TBC1D8B: variants seen among roughly 807,000 people sequenced by gnomAD.
TBC1D8B encodes the protein TBC1 domain family member 8B.
In TBC1D8B, 75 loss-of-function variants were observed where a neutral mutation model predicts 82.9. That is an observed-to-expected ratio of 0.90 (90% CI 0.75 to 1.10). The LOEUF (loss-of-function observed/expected upper bound fraction) is 1.10, where lower values mean the gene tolerates loss of function less well. TBC1D8B is among the 50% of genes least tolerant of loss of function. The probability of loss-of-function intolerance (pLI) is 0.00; values close to 1 mark genes in which losing one functional copy is unlikely to be tolerated. For missense variants in TBC1D8B, 794 were observed against 796.9 expected (o/e 1.00, Z 0.04); for synonymous variants, 276 against 276.8 (o/e 1.00, Z 0.03).
At chrX:106,851,250 C>T (rs1478229097) in intron 12 of TBC1D8B, among the ~76,000 whole-genome samples, 1 of 111,551 alleles carries the variant, frequency 9.0e-6, no homozygotes, top group African/African-American at 3.3e-5. Context: ...ATTAGCCAGG[C>T]GTGGTGGTGA....
chrX:106,862,776 GTTTTTTTTTTTTTTT>G (rs1181091591), intron 14 of TBC1D8B, among the ~76,000 whole-genome samples: 1 of 37,298 alleles, frequency 2.7e-5, no homozygotes, highest in African/African-American at 1.2e-4. Context: ...GTTTTTTTTT[GTTTTTTTTTTTTTTT>G]TTTTTTTTTT....
intron 6 of TBC1D8B, 78 bp from the exon 7 acceptor site, chrX:106,827,092 G>GTAAGCC (rs1183798181): frequency 1.4e-5 from 15 of 1,105,536 alleles, no homozygotes; most frequent in Middle Eastern, 6.3e-4. Context: ...CCACAAAAGA[G>GTAAGCC]TAAGCCAAAC....
intron 14 of TBC1D8B, among the ~76,000 whole-genome samples, chrX:106,862,785 T>G (rs977598234): frequency 5.1e-4 from 48 of 95,011 alleles, no homozygotes; most frequent in South Asian, 1.1e-3. Flanking sequence ...TGTTTTTTTT[T>G]TTTTTTTTTT....
intron 1 of TBC1D8B, chrX:106,818,326 C>T (rs985358302): frequency 8.0e-6 from 1 of 124,785 alleles, no homozygotes; most frequent in African/African-American, 3.2e-5. Context: ...GAATTTAAAC[C>T]CAGTTAGTCT....
intron 20 of TBC1D8B, among the ~76,000 whole-genome samples, chrX:106,871,059 G>T (rs746557932): frequency 1.2e-3 from 139 of 111,366 alleles, no homozygotes; most frequent in Middle Eastern, 9.3e-3. Context: ...TAGAAAAAAA[G>T]TATGTGTAGT....
chrX:106,866,733 T>A (rs1436946293), intron 16 of TBC1D8B, 64 bp from the exon 17 acceptor site: 2 of 822,932 alleles, frequency 2.4e-6, no homozygotes, highest in African/African-American at 4.1e-5. Flanking sequence ...TTAATCTTTG[T>A]TGCTGAAATT....
chrX:106,821,809 A>T (rs1447897684), intron 3 of TBC1D8B, among the ~76,000 whole-genome samples, 168 bp from the exon 4 acceptor site: 1 of 111,325 alleles, frequency 9.0e-6, no homozygotes, highest in Non-Finnish European at 1.9e-5. Context: ...ACTTTGTAGA[A>T]TTTTTTTCCC....
rs992025250 is a variant in TBC1D8B, at chrX:106,844,524, C to T, written c.1719+3640C>T. On this transcript the variant is annotated intron_variant, in intron 10 of 20. Transcript: ENST00000357242. ...ATATATATAAACATATATATATATA[C>T]ACACACACACATATATATAAACATT... Among the ~76,000 whole-genome samples the T allele has an allele frequency of 9.7e-5, 10 of 103,590 alleles. No homozygotes were observed. The South Asian group carries it at 2.5e-3, about 26-fold the overall frequency. The allele number at this position is 103,590 out of a possible 115,157, so 90.0% of individuals were successfully genotyped here.
intron 12 of TBC1D8B, among the ~76,000 whole-genome samples, chrX:106,852,215 TTTGAGAAGTGTCTGTTCATG>T (rs1456962359): frequency 2.0e-5 from 2 of 101,947 alleles, no homozygotes; most frequent in African/African-American, 7.2e-5. Context: ...AATGTCTTCT[TTTGAGAAGTGTCTGTTCATG>T]TCCTTCGCCC....
chrX:106,866,888 T>C lies in TBC1D8B; in HGVS notation c.2728+26T>C, dbSNP rs2275918. 2.4e-4 allele frequency: 250 copies of C among 1,055,487 alleles called. No homozygotes were observed. The East Asian group carries it at 7.4e-3, about 31-fold the overall frequency. 87.0% of individuals were successfully genotyped at this position (1,055,487 alleles called of 1,213,427 possible). On this transcript the variant is annotated intron_variant, in intron 17 of 20. Coordinates refer to ENST00000357242, the MANE Select transcript of TBC1D8B (RefSeq NM_017752.3). ...GTAAGAGTTTACCAGTCTTTAACGA[T>C]GTACAGCAGGAATTTATTCCATTTT...
At chrX:106,842,480 G>T (rs1049657464) in intron 10 of TBC1D8B, among the ~76,000 whole-genome samples, 2 of 110,970 alleles carry the variant, frequency 1.8e-5, no homozygotes, top group Non-Finnish European at 3.8e-5. Flanking sequence ...AAGTAAATTT[G>T]TATGGCACAA....
chrX:106,869,321 A>C (rs1224334011), intron 18 of TBC1D8B, among the ~76,000 whole-genome samples, 164 bp from the exon 19 acceptor site: 1 of 112,004 alleles, frequency 8.9e-6, no homozygotes, highest in East Asian at 2.8e-4. Context: ...TTTACTGTGA[A>C]AGTTTTGGAA....
rs750197064 is a variant in TBC1D8B at position 106,869,516 on chromosome X, A to G, written c.2844A>G (p.Glu948=). 8.3e-7 allele frequency: 1 copy of G among 1,207,260 alleles called. No individual in the cohort carries two copies. The highest frequency in any genetic ancestry group is 1.7e-5 in the African/African-American group (1 of 57,212). ...AGCCTGCAAATGAGAAGGAAGCAGA[A>G]TCAGCAAAACACAGCCCTGAAAAAG... ...VSKPANEKEA[E]SAKHSPEKGK... The change falls in exon 19 of 21, where the codon GAA becomes GAG. Residue 948 remains glutamate (E), a synonymous_variant. Transcript: ENST00000357242.
intron 17 of TBC1D8B, 85 bp downstream of exon 17, chrX:106,866,947 A>C (rs1397269779): frequency 1.5e-6 from 1 of 678,589 alleles, no homozygotes; most frequent in Non-Finnish European, 2.2e-6. Flanking sequence ...TTAACAACTA[A>C]ACTAATTTTC....
intron 1 of TBC1D8B, chrX:106,813,745 G>A (rs1931447384): frequency 9.0e-6 from 1 of 111,505 alleles, no homozygotes; most frequent in Non-Finnish European, 1.9e-5. Flanking sequence ...TTTCAACATA[G>A]TGATAGCTCT....
chrX:106,823,174 C>T (rs994777486), intron 4 of TBC1D8B, 52 bp from the exon 5 acceptor site: 21 of 1,120,984 alleles, frequency 1.9e-5, no homozygotes, highest in Non-Finnish European at 2.4e-5. Flanking sequence ...GATTAATAAA[C>T]ATAAATCACT....
intron 16 of TBC1D8B, 32 bp downstream of exon 16, chrX:106,866,065 G>A: frequency 8.5e-7 from 1 of 1,178,228 alleles, no homozygotes; most frequent in Non-Finnish European, 1.1e-6. Context: ...AAAAAAAAAG[G>A]TGCTCCTAGA....
chrX:106,869,940 G>A, intron 19 of TBC1D8B, among the ~76,000 whole-genome samples: 1 of 112,026 alleles, frequency 8.9e-6, no homozygotes, highest in Admixed American at 9.4e-5. Flanking sequence ...GTATATCATG[G>A]ACATCTTTTA....
intron 17 of TBC1D8B, among the ~76,000 whole-genome samples, chrX:106,868,130 TAAA>T (rs924807741): frequency 9.1e-6 from 1 of 110,060 alleles, no homozygotes; most frequent in Non-Finnish European, 1.9e-5. Flanking sequence ...GGAAAACCAT[TAAA>T]AAAACAAGTA....
Sources: allele counts gnomAD v4.1 joint callset (sites outside exome capture counted in the v4.1 genomes callset), GRCh38; gene constraint gnomAD v4.1.1; transcripts MANE v1.5; gene names NCBI Gene and HGNC (gene_info 2026-07-23, HGNC 2026-07-21).